TSHZ1: variants seen among roughly 807,000 people sequenced by gnomAD.
TSHZ1 encodes teashirt homolog 1.
A neutral mutation model predicts 67.1 loss-of-function variants in TSHZ1; 12 were observed. The ratio of observed to expected loss-of-function variants is 0.18; its 90% CI spans 0.11 to 0.29. The LOEUF is 0.29. TSHZ1 is among the 10% of genes least tolerant of loss of function. The pLI, the probability that TSHZ1 is intolerant of heterozygous loss-of-function variation, is 1.00. For missense variants in TSHZ1, 1,305 were observed against 1,413.9 expected, an observed-to-expected ratio of 0.92 and a Z score of 1.23; for synonymous variants, 632 against 622.4, an observed-to-expected ratio of 1.02 and a Z score of -0.23.
chr18:75,278,695 C>T (rs2023645385), intron 1 of TSHZ1, among the ~76,000 whole-genome samples: 1 of 151,984 alleles, frequency 6.6e-6, no homozygotes, highest in Non-Finnish European at 1.5e-5. Flanking sequence ...TTGGGAGGGT[C>T]CTTGGCCACT....
intron 1 of TSHZ1, among the ~76,000 whole-genome samples, chr18:75,234,821 T>C (rs530175111): frequency 6.6e-6 from 1 of 152,350 alleles, no homozygotes; most frequent in East Asian, 1.9e-4. Context: ...TTGCTGTTCA[T>C]AAAACACTCG....
intron 1 of TSHZ1, 81 bp downstream of exon 1, chr18:75,211,997 G>GTCCCGC: frequency 9.2e-7 from 1 of 1,088,738 alleles, no homozygotes; most frequent in Non-Finnish European, 1.1e-6. Context: ...CGAGGTGCGG[G>GTCCCGC]ACGTGGGCCG....
chr18:75,261,922 A>C (rs1276948978), intron 1 of TSHZ1, among the ~76,000 whole-genome samples: 2 of 152,234 alleles, frequency 1.3e-5, no homozygotes, highest in Admixed American at 1.3e-4. Context: ...ATTCAAGCCA[A>C]ACCCTTGAGG....
chr18:75,241,790 G>A (rs2023159851), intron 1 of TSHZ1, among the ~76,000 whole-genome samples: 1 of 151,770 alleles, frequency 6.6e-6, no homozygotes, highest in Non-Finnish European at 1.5e-5. Flanking sequence ...AGGCTCCAGA[G>A]GAGAATCCTT....
intron 1 of TSHZ1, among the ~76,000 whole-genome samples, chr18:75,236,836 T>C (rs1382029753): frequency 6.6e-6 from 1 of 152,198 alleles, no homozygotes; most frequent in East Asian, 1.9e-4. Flanking sequence ...TAAGGTCCTA[T>C]AGATAGTGCA....
chr18:75,268,668 C>G (rs528809491), intron 1 of TSHZ1, among the ~76,000 whole-genome samples: 1 of 152,204 alleles, frequency 6.6e-6, no homozygotes, highest in East Asian at 1.9e-4. Context: ...CCTCCTCCCC[C>G]TCCCCAAAAA....
chr18:75,229,666 A>C (rs150706642), intron 1 of TSHZ1, among the ~76,000 whole-genome samples: 22 of 152,358 alleles, frequency 1.4e-4, no homozygotes, highest in Non-Finnish European at 2.9e-4. Flanking sequence ...CATGCGGTCT[A>C]TGACGTGCCG....
chr18:75,229,829 G>T (rs1332770767), intron 1 of TSHZ1, among the ~76,000 whole-genome samples: 1 of 152,192 alleles, frequency 6.6e-6, no homozygotes. Context: ...ACAAAACCCA[G>T]TGTAACAAGA....
At chr18:75,263,073 G>C (rs755227576) in intron 1 of TSHZ1, among the ~76,000 whole-genome samples, 8 of 152,172 alleles carry the variant, frequency 5.3e-5, no homozygotes, top group Non-Finnish European at 1.0e-4. Flanking sequence ...AAGCCATGCT[G>C]CCTCCACAGT....
At chr18:75,279,479 G>A (rs947317631) in intron 1 of TSHZ1, among the ~76,000 whole-genome samples, 8 of 152,148 alleles carry the variant, frequency 5.3e-5, no homozygotes, top group African/African-American at 1.4e-4. Context: ...GTGAGCCGCC[G>A]GCCCTCCTGT....
At position 75,263,293 on chromosome 18, in the gene TSHZ1, C is replaced by T. The variant is rs182691390; in HGVS notation, c.41-22155C>T. ...TGACTTATGACACCTTTTTGAGGAC[C>T]GTGAAGTGCTAGGTCTACCTGCACT... On this transcript the variant is annotated intron_variant, in intron 1 of 1. Coordinates refer to ENST00000580243, the MANE Select transcript of TSHZ1 (RefSeq NM_001308210.2). Among the ~76,000 whole-genome samples, 18 of 152,210 alleles carry T rather than the reference C, an allele frequency of 1.2e-4. 1 individual carries two copies. The East Asian group carries it at 3.3e-3, about 28-fold the overall frequency.
chr18:75,273,164 C>T (rs1055864961), intron 1 of TSHZ1, among the ~76,000 whole-genome samples: 1 of 152,208 alleles, frequency 6.6e-6, no homozygotes, highest in Non-Finnish European at 1.5e-5. Context: ...TGCTTCAGCT[C>T]TTTAGCAAAG....
Position 75,287,705 on chromosome 18 carries a change from C to T in TSHZ1, c.2298C>T (p.Pro766=), listed in dbSNP as rs959398157. ...GCAAGGTGTCCAAGCCCGTGAGTCC[C>T]TCGCTGGACCCGCTGGCGATGCTGT... ...HLGKVSKPVS[P]SLDPLAMLYK... The change falls in exon 2 of 2, where the codon CCC becomes CCT. Residue 766 remains proline, a synonymous_variant. Coordinates refer to ENST00000580243, the MANE Select transcript of TSHZ1 (RefSeq NM_001308210.2). This position sits in a 1 kb window ranked among gnomAD's most constrained non-coding sequence, Gnocchi z 5.0. 1.3e-5 allele frequency: 21 copies of T among 1,614,098 alleles called. No homozygotes were observed. Among genetic ancestry groups the T allele is most frequent in the Non-Finnish European group, 1.8e-5 (21 of 1,180,056 alleles).
At position 75,229,497 on chromosome 18, in the gene TSHZ1, C is replaced by A. The variant is rs111716449; in HGVS notation, c.40+17581C>A. 1.6e-3 allele frequency among the ~76,000 whole-genome samples: 251 copies of A among 152,336 alleles called. 1 individual carries two copies. Among genetic ancestry groups the A allele is most frequent in the African/African-American group, 5.6e-3 (233 of 41,578 alleles). On this transcript the variant is annotated intron_variant, in intron 1 of 1. Transcript: ENST00000580243. ...TGTTCACGTCCTTGTAGGCACTCTGCTCCATAAGGGCAGGGCCATCTTGTT... is the reference window on the plus strand; with the variant it reads ...TGTTCACGTCCTTGTAGGCACTCTGATCCATAAGGGCAGGGCCATCTTGTT...
rs1000874344 is a variant in TSHZ1, at chr18:75,281,843, G to A, written c.41-3605G>A. The stretch of plus-strand genomic sequence containing the variant: ...TGCTAGGTGCGGGCAGGGAGAGCCC[G>A]AACCTGTGGGGGCCCAGCCTTCACC... On this transcript the variant is annotated intron_variant, in intron 1 of 1. Coordinates refer to ENST00000580243, the MANE Select transcript of TSHZ1 (RefSeq NM_001308210.2). This position sits in a 1 kb window ranked among gnomAD's most constrained non-coding sequence, Gnocchi z 5.3. 3.9e-5 allele frequency among the ~76,000 whole-genome samples: 6 copies of A among 151,990 alleles called. No homozygotes were observed. The highest frequency in any genetic ancestry group is 4.8e-5 in the African/African-American group (2 of 41,374).
intron 1 of TSHZ1, among the ~76,000 whole-genome samples, chr18:75,240,925 T>G (rs938610891): frequency 3.3e-5 from 5 of 152,074 alleles, no homozygotes; most frequent in African/African-American, 1.2e-4. Context: ...AGTGGCTCAT[T>G]TGGGGGTGTT....
At chr18:75,262,954 A>G (rs912257491) in intron 1 of TSHZ1, among the ~76,000 whole-genome samples, 1 of 152,182 alleles carries the variant, frequency 6.6e-6, no homozygotes, top group African/African-American at 2.4e-5. Context: ...ATTGATGAGG[A>G]CACAGAGACT....
At chr18:75,255,270 G>T (rs2023349466) in intron 1 of TSHZ1, among the ~76,000 whole-genome samples, 2 of 152,052 alleles carry the variant, frequency 1.3e-5, no homozygotes, top group African/African-American at 4.8e-5. Flanking sequence ...ACGTCTGCCT[G>T]TTCACCTCTA....
intron 1 of TSHZ1, among the ~76,000 whole-genome samples, chr18:75,278,461 G>T (rs891949772): frequency 6.6e-6 from 1 of 152,274 alleles, no homozygotes; most frequent in African/African-American, 2.4e-5. Context: ...TTCTCCCCAG[G>T]TCCTAAACTC....
Sources: gnomAD v4.1 joint callset for allele counts (sites outside exome capture counted in the v4.1 genomes callset) on GRCh38, gnomAD v4.1.1 for gene constraint, Gnocchi (gnomAD v3.1) non-coding constraint, MANE v1.5 for transcripts, NCBI Gene and HGNC (gene_info 2026-07-23, HGNC 2026-07-21) for gene names.